Variants in NKAIN3 observed in about 807,000 individuals in gnomAD.
The protein encoded by NKAIN3 is sodium/potassium transporting ATPase interacting 3, also known as sodium/potassium-transporting ATPase subunit beta-1-interacting protein 3.
NKAIN3 carries 25 observed loss-of-function variants against 30.2 expected under a neutral mutation model. The ratio of observed to expected loss-of-function variants is 0.83; its 90% CI spans 0.60 to 1.16. The LOEUF (loss-of-function observed/expected upper bound fraction) is 1.16, where lower values mean the gene tolerates loss of function less well. Among genes scored for constraint, NKAIN3 ranks in the 50% most tolerant of loss-of-function variants. NKAIN3 has a pLI of 0.00. For synonymous variants in NKAIN3, 91 were observed against 89.6 expected, an observed-to-expected ratio of 1.02 and a Z score of -0.09; for missense variants, 225 against 254.1, an observed-to-expected ratio of 0.89 and a Z score of 0.78.
At position 62,401,013 on chromosome 8, in the gene NKAIN3, T is replaced by TTCTCTC. The variant is rs71559370; in HGVS notation, c.54+151887_54+151892dup. Among the ~76,000 whole-genome samples, 538 of 143,850 alleles carry TTCTCTC rather than the reference T, an allele frequency of 3.7e-3. 3 individuals are homozygous for TTCTCTC. The highest frequency in any genetic ancestry group is 0.014 in the Middle Eastern group (4 of 284). The allele number at this position is 143,850 out of a possible 152,430, so 94.4% of individuals were successfully genotyped here. ...ATTCTTTTGATTAAACTTTCTACCT[T>TTCTCTC]TCTCTCACTCTCTCTCTCTCTCTCT... On this transcript the variant is annotated intron_variant, in intron 1 of 6. Coordinates refer to ENST00000623646, the MANE Select transcript of NKAIN3 (RefSeq NM_001304533.3).
intron 4 of NKAIN3, among the ~76,000 whole-genome samples, chr8:62,802,628 A>G (rs919175638): frequency 6.6e-6 from 1 of 152,224 alleles, no homozygotes; most frequent in African/African-American, 2.4e-5. Flanking sequence ...TAAACATGGA[A>G]AGGAACAACC....
At chr8:62,663,999 T>C (rs1461198766) in intron 3 of NKAIN3, among the ~76,000 whole-genome samples, 1 of 152,104 alleles carries the variant, frequency 6.6e-6, no homozygotes, top group African/African-American at 2.4e-5. Context: ...ACTTACATTT[T>C]CACTATTTTT....
At chr8:62,871,898 T>C (rs1234323615) in intron 4 of NKAIN3, among the ~76,000 whole-genome samples, 1 of 152,196 alleles carries the variant, frequency 6.6e-6, no homozygotes, top group Non-Finnish European at 1.5e-5. Context: ...TACTTAACTT[T>C]CCAAAAAATA....
chr8:62,572,031 G>T (rs960312708), intron 1 of NKAIN3, among the ~76,000 whole-genome samples: 2 of 152,146 alleles, frequency 1.3e-5, no homozygotes, highest in Non-Finnish European at 2.9e-5. Context: ...AATTTCTGTA[G>T]CTGGCTTGAA....
At chr8:62,478,225 T>C (rs1806583869) in intron 1 of NKAIN3, among the ~76,000 whole-genome samples, 1 of 152,180 alleles carries the variant, frequency 6.6e-6, no homozygotes. Context: ...AATCAACTGG[T>C]AACTAGTAGA....
At chr8:62,867,099 GAA>G (rs10562561) in intron 4 of NKAIN3, among the ~76,000 whole-genome samples, 56,505 of 130,046 alleles carry the variant, frequency 0.43, 11,626 homozygotes, top group African/African-American at 0.57. Context: ...TTTGTTTCCA[GAA>G]AAAAAAAAAA....
intron 1 of NKAIN3, among the ~76,000 whole-genome samples, chr8:62,259,908 G>C (rs1350742515): frequency 6.6e-6 from 1 of 152,224 alleles, no homozygotes; most frequent in East Asian, 1.9e-4. Context: ...AGGAGTTGGA[G>C]TACTGACAAG....
chr8:62,645,597 G>T (rs1023308764), intron 3 of NKAIN3, among the ~76,000 whole-genome samples: 11 of 152,054 alleles, frequency 7.2e-5, no homozygotes, highest in Non-Finnish European at 1.5e-4. Flanking sequence ...ACAGTGGATT[G>T]AAGATTTTTT....
chr8:62,361,296 G>C lies in NKAIN3; in HGVS notation c.54+112169G>C, dbSNP rs543899049. Among the ~76,000 whole-genome samples, 4 of 152,324 alleles carry C rather than the reference G, an allele frequency of 2.6e-5. No individual in the cohort carries two copies. The East Asian group carries it at 7.7e-4, about 29-fold the overall frequency. On this transcript the variant is annotated intron_variant, in intron 1 of 6. Transcript: ENST00000623646. ...TATATGACCTGATCTTATGTTTATG[G>C]ATGATTTGTTTTGCTTTGCCTTTGA...
At chr8:62,287,559 A>G (rs950050085) in intron 1 of NKAIN3, among the ~76,000 whole-genome samples, 2 of 152,214 alleles carry the variant, frequency 1.3e-5, no homozygotes, top group East Asian at 1.9e-4. Context: ...GAATTCTTGC[A>G]TATAAAATAA....
intron 4 of NKAIN3, among the ~76,000 whole-genome samples, chr8:62,902,611 A>G (rs1443059802): frequency 6.6e-6 from 1 of 152,192 alleles, no homozygotes; most frequent in Non-Finnish European, 1.5e-5. Flanking sequence ...TCTATCCTCA[A>G]AATATACTCG....
At chr8:62,541,728 C>T (rs1200289448) in intron 1 of NKAIN3, among the ~76,000 whole-genome samples, 7 of 151,578 alleles carry the variant, frequency 4.6e-5, no homozygotes, top group Non-Finnish European at 8.8e-5. Flanking sequence ...ATTTCAAGCT[C>T]TTTTTATGCA....
intron 1 of NKAIN3, among the ~76,000 whole-genome samples, chr8:62,358,001 G>A (rs1248482242): frequency 6.6e-6 from 1 of 152,122 alleles, no homozygotes; most frequent in Admixed American, 6.5e-5. Context: ...TCAACACCAA[G>A]ATTGAAATTT....
At chr8:62,272,559 C>T (rs1048630280) in intron 1 of NKAIN3, among the ~76,000 whole-genome samples, 2 of 152,098 alleles carry the variant, frequency 1.3e-5, no homozygotes, top group African/African-American at 4.8e-5. Flanking sequence ...TATACTTTGC[C>T]AAAACATTGC....
At chr8:62,359,297 T>C (rs1338402828) in intron 1 of NKAIN3, among the ~76,000 whole-genome samples, 1 of 152,234 alleles carries the variant, frequency 6.6e-6, no homozygotes, top group Non-Finnish European at 1.5e-5. Flanking sequence ...ACCATCCTTT[T>C]TATGTACCTG....
rs1812198514 is a variant in NKAIN3 at position 62,638,323 on chromosome 8, C to A, written c.273+48529C>A. 2.0e-5 allele frequency among the ~76,000 whole-genome samples: 3 copies of A among 152,290 alleles called. No individual in the cohort carries two copies. The South Asian group carries it at 6.2e-4, about 32-fold the overall frequency. ...CATTTTTCTTATTAATCCTCAACCT[C>A]ATGGCAGGGTTTCCTAATCTGAGAA... On this transcript the variant is annotated intron_variant, in intron 3 of 6. Coordinates refer to ENST00000623646, the MANE Select transcript of NKAIN3 (RefSeq NM_001304533.3).
intron 4 of NKAIN3, among the ~76,000 whole-genome samples, chr8:62,879,997 G>A (rs1432010910): frequency 1.3e-5 from 2 of 152,294 alleles, no homozygotes; most frequent in East Asian, 1.9e-4. Context: ...CAATGAAGAG[G>A]TGGCAGAAGC....
chr8:62,641,619 G>C (rs1455051972), intron 3 of NKAIN3, among the ~76,000 whole-genome samples: 1 of 152,150 alleles, frequency 6.6e-6, no homozygotes, highest in Non-Finnish European at 1.5e-5. Context: ...TGGACACAGA[G>C]AAATGTTTCC....
In NKAIN3 at chr8:62,489,725, A is replaced by G. The variant is rs995165360; in HGVS notation, c.55-89814A>G. ...AAGTACTTAATATACTGTGTTTAAT[A>G]TAACTCGTAAGAGTTGTCTGAAACT... On this transcript the variant is annotated intron_variant, in intron 1 of 6. Coordinates refer to ENST00000623646, the MANE Select transcript of NKAIN3 (RefSeq NM_001304533.3). Among the ~76,000 whole-genome samples, 38 of 152,250 alleles carry G rather than the reference A, an allele frequency of 2.5e-4. 2 individuals are homozygous for G. Among genetic ancestry groups the G allele is most frequent in the Non-Finnish European group, 1.5e-5 (1 of 68,048 alleles).
Sources: gnomAD v4.1 joint callset for allele counts (sites outside exome capture counted in the v4.1 genomes callset) on GRCh38, gnomAD v4.1.1 for gene constraint, MANE v1.5 for transcripts, NCBI Gene and HGNC (gene_info 2026-07-23, HGNC 2026-07-21) for gene names.